Variants in DAB1 observed in about 807,000 individuals in gnomAD.
DAB1 encodes the protein DAB adaptor protein 1, also known as disabled homolog 1.
Under a neutral mutation model 64.6 loss-of-function variants are expected in DAB1, and 15 were observed. That is an observed-to-expected ratio of 0.23 (90% confidence interval 0.16 to 0.36). The LOEUF is 0.36. Ranked by LOEUF, DAB1 falls within the 10% of genes least tolerant of loss-of-function variation. The pLI, the probability that DAB1 is intolerant of heterozygous loss-of-function variation, is 1.00. For missense variants in DAB1, 596 were observed against 706.7 expected (o/e 0.84, Z 1.78); for synonymous variants, 235 against 251.9 (o/e 0.93, Z 0.64).
chr1:58,441,413 A>C (rs1645006668), intron 3 of DAB1, among the ~76,000 whole-genome samples: 1 of 152,034 alleles, frequency 6.6e-6, no homozygotes, highest in African/African-American at 2.4e-5. Context: ...TGAGGTTGTC[A>C]TTGTTATCAT....
At chr1:58,219,398 C>T (rs1659038610) in intron 4 of DAB1, among the ~76,000 whole-genome samples, 3 of 152,228 alleles carry the variant, frequency 2.0e-5, no homozygotes, top group African/African-American at 7.2e-5. Flanking sequence ...CACATCTGGA[C>T]ATGCAACACC....
At chr1:57,551,215 C>T (rs965037492) in intron 7 of DAB1, among the ~76,000 whole-genome samples, 2 of 152,132 alleles carry the variant, frequency 1.3e-5, no homozygotes, top group Non-Finnish European at 2.9e-5. Flanking sequence ...GAAGGTGTGC[C>T]ACCTATTTGC....
At chr1:57,253,901 T>A (rs1386354110) in intron 2 of DAB1, among the ~76,000 whole-genome samples, 1 of 152,196 alleles carries the variant, frequency 6.6e-6, no homozygotes, top group Admixed American at 6.5e-5. Flanking sequence ...TCCCAATAGC[T>A]GCCTCAGCAG....
intron 1 of DAB1, among the ~76,000 whole-genome samples, chr1:57,381,831 G>A (rs558181807): frequency 1.6e-4 from 24 of 152,126 alleles, no homozygotes; most frequent in Non-Finnish European, 3.2e-4. Flanking sequence ...TTATCTCAGA[G>A]CTGATGGTGT....
chr1:58,275,966 G>A (rs639534), intron 4 of DAB1, among the ~76,000 whole-genome samples: 144,307 of 152,348 alleles, frequency 0.95, 68,352 homozygotes, highest in East Asian at 0.98. Context: ...ATATACACCA[G>A]TGGAATACTG....
intron 5 of DAB1, among the ~76,000 whole-genome samples, chr1:57,983,883 C>T (rs780796516): frequency 5.3e-5 from 8 of 151,976 alleles, no homozygotes; most frequent in Non-Finnish European, 1.0e-4. Flanking sequence ...AGTGGTTCTC[C>T]GGGAAATGGC....
chr1:57,885,279 T>C (rs949693592), upstream of DAB1, among the ~76,000 whole-genome samples: 5 of 152,204 alleles, frequency 3.3e-5, no homozygotes, highest in Non-Finnish European at 5.9e-5. Context: ...TAATTGTCAT[T>C]AAAAAGATAA....
At chr1:57,585,707 C>G (rs1279983029) in intron 7 of DAB1, among the ~76,000 whole-genome samples, 1 of 152,118 alleles carries the variant, frequency 6.6e-6, no homozygotes, top group East Asian at 1.9e-4. Flanking sequence ...GATCAATTCC[C>G]CCTTCCCACC....
intron 1 of DAB1, among the ~76,000 whole-genome samples, chr1:57,317,527 C>T (rs1161613631): frequency 8.5e-5 from 13 of 152,140 alleles, no homozygotes; most frequent in Admixed American, 7.9e-4. Context: ...CCTAATTATC[C>T]TATTGAAAAT....
At chr1:57,656,368 GTT>G (rs1255255706) in intron 6 of DAB1, among the ~76,000 whole-genome samples, 1 of 151,804 alleles carries the variant, frequency 6.6e-6, no homozygotes, top group African/African-American at 2.4e-5. Flanking sequence ...GTGTGTGTGT[GTT>G]TTTGTGCTCG....
chr1:57,326,635 A>G (rs1676178308), intron 1 of DAB1, among the ~76,000 whole-genome samples: 1 of 152,196 alleles, frequency 6.6e-6, no homozygotes, highest in African/African-American at 2.4e-5. Flanking sequence ...TAAGAAGTCC[A>G]AGAGCAAGGC....
chr1:57,441,869 T>C (rs1685972732), intron 7 of DAB1, among the ~76,000 whole-genome samples: 1 of 152,188 alleles, frequency 6.6e-6, no homozygotes, highest in Non-Finnish European at 1.5e-5. Flanking sequence ...TCCAACTGCT[T>C]TCCTCAGTGG....
chr1:58,379,188 C>CCAT (rs1644365375), intron 3 of DAB1, among the ~76,000 whole-genome samples: 1 of 152,196 alleles, frequency 6.6e-6, no homozygotes, highest in Non-Finnish European at 1.5e-5. Context: ...TCCTATTCGG[C>CCAT]CATCTTGGCT....
chr1:57,146,623 A>G (rs1272041661), intron 2 of DAB1, among the ~76,000 whole-genome samples: 1 of 152,212 alleles, frequency 6.6e-6, no homozygotes, highest in African/African-American at 2.4e-5. Context: ...ACCATCATAT[A>G]GTACTTTTCT....
Position 57,554,858 on chromosome 1 carries a change from T to C in DAB1, n.625+94734A>G, listed in dbSNP as rs1202416424. Among the ~76,000 whole-genome samples, 3 of 152,126 alleles carry C rather than the reference T, an allele frequency of 2.0e-5. No individual in the cohort carries two copies. The East Asian group carries it at 5.8e-4, about 29-fold the overall frequency. ...GTGAGTCTTTCAAAAATGGAAAATA[T>C]TACAATGTAGAAAGTCACTGATGAG... On this transcript the variant is annotated intron_variant and non_coding_transcript_variant, in intron 7 of 20. Transcript: ENST00000485760.
intron 7 of DAB1, among the ~76,000 whole-genome samples, chr1:57,439,434 T>TTTTTTG (rs1558381562): frequency 4.5e-5 from 6 of 133,312 alleles, no homozygotes; most frequent in East Asian, 2.3e-4. Context: ...TCTTTTTTTT[T>TTTTTTG]TTTTTTTTTT....
intron 1 of DAB1, chr1:58,536,444 A>G (rs920697231): frequency 2.7e-6 from 2 of 733,128 alleles, no homozygotes; most frequent in Admixed American, 4.7e-5. Flanking sequence ...TATCTTTCAC[A>G]TTTAAGATAC....
At chr1:58,033,359 C>A (rs564178671) in intron 5 of DAB1, among the ~76,000 whole-genome samples, 2 of 152,260 alleles carry the variant, frequency 1.3e-5, no homozygotes, top group African/African-American at 4.8e-5. Flanking sequence ...TTATCTGATA[C>A]CAGCCTGGCT....
At chr1:58,109,513 C>T (rs994727825) in intron 5 of DAB1, among the ~76,000 whole-genome samples, 1 of 152,128 alleles carries the variant, frequency 6.6e-6, no homozygotes, top group Admixed American at 6.6e-5. Flanking sequence ...AATGGATCAA[C>T]TCCGTAAGCC....
Sources: allele counts gnomAD v4.1 joint callset (sites outside exome capture counted in the v4.1 genomes callset), GRCh38; gene constraint gnomAD v4.1.1; transcripts MANE v1.5; gene names NCBI Gene and HGNC (gene_info 2026-07-23, HGNC 2026-07-21).